SSBP2: variants seen among roughly 807,000 people sequenced by gnomAD.
SSBP2 encodes the protein single stranded DNA binding protein 2, also known as single-stranded DNA-binding protein 2.
SSBP2 carries 17 observed loss-of-function variants against 61.8 expected under a neutral mutation model. The ratio of observed to expected loss-of-function variants is 0.28; its 90% CI spans 0.19 to 0.41. The LOEUF (loss-of-function observed/expected upper bound fraction) is 0.41, where lower values mean the gene tolerates loss of function less well. SSBP2 is among the 10% of genes least tolerant of loss of function. The pLI, the probability that SSBP2 is intolerant of heterozygous loss-of-function variation, is 1.00. For missense variants in SSBP2, 310 were observed against 458.7 expected, an observed-to-expected ratio of 0.68 and a Z score of 2.96; for synonymous variants, 139 against 141.3, an observed-to-expected ratio of 0.98 and a Z score of 0.12.
At chr5:81,638,516 C>T (rs1312367859) in intron 2 of SSBP2, among the ~76,000 whole-genome samples, 1 of 149,468 alleles carries the variant, frequency 6.7e-6, no homozygotes, top group Non-Finnish European at 1.5e-5. Flanking sequence ...AAGACTCCGT[C>T]TCAGAGGGAA....
chr5:81,425,695 T>C (rs376596764), intron 16 of SSBP2, among the ~76,000 whole-genome samples: 2 of 152,106 alleles, frequency 1.3e-5, no homozygotes, highest in African/African-American at 4.8e-5. Flanking sequence ...TCTTTGTTTC[T>C]TGAAATAAAG....
intron 4 of SSBP2, among the ~76,000 whole-genome samples, chr5:81,540,683 A>C (rs565481540): frequency 1.6e-4 from 24 of 152,308 alleles, no homozygotes; most frequent in Non-Finnish European, 3.2e-4. Flanking sequence ...TGCATGTTTA[A>C]TAGAATACAG....
At chr5:81,652,577 C>T (rs925864435) in intron 1 of SSBP2, among the ~76,000 whole-genome samples, 17 of 152,074 alleles carry the variant, frequency 1.1e-4, no homozygotes, top group Admixed American at 6.6e-5. Context: ...GCTGAGAAAA[C>T]CTATCTATAA....
chr5:81,533,202 A>G (rs1224940718), intron 4 of SSBP2, among the ~76,000 whole-genome samples: 8 of 152,086 alleles, frequency 5.3e-5, no homozygotes, highest in Admixed American at 2.0e-4. Context: ...ACCATAATAT[A>G]ATTAAACTAG....
chr5:81,513,105 C>T (rs1315787788), intron 5 of SSBP2, among the ~76,000 whole-genome samples: 1 of 151,942 alleles, frequency 6.6e-6, no homozygotes, highest in Non-Finnish European at 1.5e-5. Context: ...TAAGAATACT[C>T]ACATGTATTT....
At chr5:81,457,494 T>C (rs1185491329) in intron 10 of SSBP2, among the ~76,000 whole-genome samples, 1 of 152,180 alleles carries the variant, frequency 6.6e-6, no homozygotes, top group African/African-American at 2.4e-5. Flanking sequence ...GGATACCTAC[T>C]GTACATTCAA....
intron 4 of SSBP2, among the ~76,000 whole-genome samples, chr5:81,587,874 GAT>G (rs1248196695): frequency 6.6e-6 from 1 of 152,174 alleles, no homozygotes; most frequent in Non-Finnish European, 1.5e-5. Flanking sequence ...TTTCTGTGAA[GAT>G]GATGGTAGAT....
intron 6 of SSBP2, among the ~76,000 whole-genome samples, chr5:81,479,773 T>C (rs1022066091): frequency 6.6e-6 from 1 of 152,172 alleles, no homozygotes; most frequent in Non-Finnish European, 1.5e-5. Context: ...TATAAAGTTA[T>C]TATTATTCAT....
In SSBP2 at chr5:81,630,510, T is replaced by A. The variant is rs183542494; in HGVS notation, c.197+6047A>T. ...ATCTCAAAGAGTATGTCAGTAGCTT[T>A]AGGGGAAAAAATATAAAACATTAAA... On this transcript the variant is annotated intron_variant, in intron 3 of 16. Transcript: ENST00000320672. Among the ~76,000 whole-genome samples, 521 of 152,266 alleles carry A rather than the reference T, an allele frequency of 3.4e-3. 3 individuals are homozygous for A. The highest frequency in any genetic ancestry group is 5.4e-3 in the Non-Finnish European group (365 of 68,014).
At chr5:81,690,617 T>A (rs432617) in intron 1 of SSBP2, among the ~76,000 whole-genome samples, 44,214 of 151,960 alleles carry the variant, frequency 0.29, 7,901 homozygotes, top group Middle Eastern at 0.52. Context: ...TAAACCCCAA[T>A]AGAATAATAG....
intron 4 of SSBP2, among the ~76,000 whole-genome samples, chr5:81,549,785 T>C (rs901597166): frequency 1.3e-5 from 2 of 152,170 alleles, no homozygotes; most frequent in African/African-American, 4.8e-5. Context: ...TTTGCTATGT[T>C]TGAGGTAAGC....
intron 16 of SSBP2, among the ~76,000 whole-genome samples, chr5:81,423,835 C>T (rs562174096): frequency 1.2e-4 from 18 of 152,190 alleles, no homozygotes; most frequent in African/African-American, 3.6e-4. Context: ...TTATACTATA[C>T]GTTGTTAAGA....
At chr5:81,521,574 C>T (rs928222749) in intron 4 of SSBP2, among the ~76,000 whole-genome samples, 7 of 151,902 alleles carry the variant, frequency 4.6e-5, no homozygotes, top group African/African-American at 1.7e-4. Context: ...AAGTCTGATA[C>T]CACCTTGATT....
intron 10 of SSBP2, among the ~76,000 whole-genome samples, chr5:81,453,692 G>A (rs1580724573): frequency 2.0e-5 from 3 of 152,056 alleles, no homozygotes; most frequent in South Asian, 4.1e-4. Context: ...TCCTGACCTC[G>A]TGATCCGCCT....
At chr5:81,621,962 C>CG (rs1581188276) in intron 3 of SSBP2, among the ~76,000 whole-genome samples, 1 of 82,972 alleles carries the variant, frequency 1.2e-5, no homozygotes, top group East Asian at 3.3e-4. Context: ...GTGGTGGGGT[C>CG]GGGGGAGGGG....
intron 4 of SSBP2, among the ~76,000 whole-genome samples, chr5:81,545,146 C>T (rs1010632139): frequency 6.6e-6 from 1 of 152,134 alleles, no homozygotes; most frequent in Non-Finnish European, 1.5e-5. Context: ...TCAGATAAAA[C>T]ACATATTTTT....
chr5:81,530,515 TTC>T (rs895701381), intron 4 of SSBP2, among the ~76,000 whole-genome samples: 4 of 152,066 alleles, frequency 2.6e-5, no homozygotes, highest in African/African-American at 4.8e-5. Flanking sequence ...TGTTTTTTTT[TTC>T]TGTTTCTTCT....
At chr5:81,730,574 T>C (rs1265841798) in intron 1 of SSBP2, among the ~76,000 whole-genome samples, 1 of 152,176 alleles carries the variant, frequency 6.6e-6, no homozygotes, top group Non-Finnish European at 1.5e-5. Flanking sequence ...AAATCTACAG[T>C]TTTACTTGAG....
chr5:81,745,059 G>C (rs772743415), intron 1 of SSBP2, among the ~76,000 whole-genome samples: 29 of 151,978 alleles, frequency 1.9e-4, no homozygotes, highest in Non-Finnish European at 3.8e-4. Context: ...TAACTTACAT[G>C]ACAAAAATTA....
Sources: gnomAD v4.1 joint callset for allele counts (sites outside exome capture counted in the v4.1 genomes callset) on GRCh38, gnomAD v4.1.1 for gene constraint, MANE v1.5 for transcripts, NCBI Gene and HGNC (gene_info 2026-07-23, HGNC 2026-07-21) for gene names.